Variants in LRP1B observed in about 807,000 individuals in gnomAD.
LRP1B encodes low-density lipoprotein receptor-related protein 1B.
In LRP1B, 217 loss-of-function variants were observed where a neutral mutation model predicts 556.6. The observed-to-expected ratio is 0.39, with a 90% CI of 0.35 to 0.44. The LOEUF (loss-of-function observed/expected upper bound fraction) is 0.44. LRP1B is among the 20% of genes least tolerant of loss of function. The pLI, the probability that LRP1B is intolerant of heterozygous loss-of-function variation, is 1.00. For missense variants in LRP1B, 5,053 were observed against 5,620.8 expected (o/e 0.90, Z 3.23); for synonymous variants, 2,047 against 1,865.8 (o/e 1.10, Z -2.50).
At chr2:140,319,340 A>G (rs1679959889) in intron 82 of LRP1B, among the ~76,000 whole-genome samples, 1 of 152,094 alleles carries the variant, frequency 6.6e-6, no homozygotes, top group Non-Finnish European at 1.5e-5. Flanking sequence ...CATTATCCTA[A>G]TCTCTCTCCT....
rs931035884 is a variant in LRP1B, at chr2:140,457,733, T to C, written c.9626-82A>G. On this transcript the variant is annotated intron_variant, in intron 60 of 90. Transcript: ENST00000389484. ...ATTCAATACTACATGGGCTGACAGA[T>C]ACAACTGCTACATAACTTCGTGTGA... is the stretch of plus-strand genomic sequence containing the variant. The C allele has an allele frequency of 2.4e-5, 25 of 1,060,520 alleles. No individual in the cohort carries two copies. The African/African-American group carries it at 3.6e-4, about 15-fold the overall frequency. 65.7% of individuals were successfully genotyped at this position (1,060,520 alleles called of 1,614,324 possible).
rs35692597 is a variant in LRP1B, at chr2:140,491,192, A to C, written c.9120+1416T>G. Among the ~76,000 whole-genome samples the C allele has an allele frequency of 1.9e-3, 292 of 152,298 alleles. 1 individual carries two copies. The highest frequency in any genetic ancestry group is 3.7e-3 in the Non-Finnish European group (253 of 68,020). On this transcript the variant is annotated intron_variant, in intron 57 of 90. Transcript: ENST00000389484. ...AGGTAGGAAAATGAAGCAAGAAGCT[A>C]TCACTGAAGCTCTATTATAGCTCTG... is the stretch of plus-strand genomic sequence containing the variant.
chr2:140,871,789 C>G (rs1693136973), intron 25 of LRP1B, among the ~76,000 whole-genome samples: 1 of 151,934 alleles, frequency 6.6e-6, no homozygotes, highest in Non-Finnish European at 1.5e-5. Flanking sequence ...GGTCTGCCTT[C>G]TTTTTTTTCC....
chr2:141,134,193 C>T lies in LRP1B; in HGVS notation c.1013+54228G>A, dbSNP rs532885410. Among the ~76,000 whole-genome samples, 12 of 151,852 alleles carry T rather than the reference C, an allele frequency of 7.9e-5. No homozygotes were observed. In the South Asian group the frequency reaches 1.5e-3, roughly 18 times the overall value. ...ATCCTCTGCTTGGCTCCTCATCTACCATGACCTCTGTATCGTATCTATTTT... is the reference window on the plus strand; with the variant it reads ...ATCCTCTGCTTGGCTCCTCATCTACTATGACCTCTGTATCGTATCTATTTT... On this transcript the variant is annotated intron_variant, in intron 7 of 90. Coordinates refer to ENST00000389484, the MANE Select transcript of LRP1B (RefSeq NM_018557.3).
intron 4 of LRP1B, among the ~76,000 whole-genome samples, chr2:141,252,111 A>C (rs897863282): frequency 1.3e-5 from 2 of 151,904 alleles, no homozygotes; most frequent in African/African-American, 2.4e-5. Context: ...CCACACACTT[A>C]AGCTTCAGTC....
At chr2:141,595,378 G>A (rs971658092) in intron 2 of LRP1B, among the ~76,000 whole-genome samples, 1 of 151,974 alleles carries the variant, frequency 6.6e-6, no homozygotes, top group Non-Finnish European at 1.5e-5. Context: ...CTGGTTTCTA[G>A]GCTTGTTGTA....
intron 11 of LRP1B, among the ~76,000 whole-genome samples, chr2:141,023,811 G>C (rs1698137838): frequency 6.6e-6 from 1 of 151,942 alleles, no homozygotes; most frequent in Non-Finnish European, 1.5e-5. Context: ...CCCAAAAATG[G>C]CCATTATAAA....
chr2:140,996,758 AAAAGACAAAAAGATAAAAGAC>A (rs1475826690), intron 15 of LRP1B, among the ~76,000 whole-genome samples: 6 of 152,068 alleles, frequency 3.9e-5, no homozygotes, highest in Non-Finnish European at 8.8e-5. Flanking sequence ...ATAAAGTTGC[AAAAGACAAAAAGATAAAAGAC>A]AAAGACAAAA....
intron 3 of LRP1B, among the ~76,000 whole-genome samples, chr2:141,360,771 T>A (rs1305261742): frequency 2.6e-5 from 4 of 152,192 alleles, no homozygotes; most frequent in African/African-American, 9.7e-5. Flanking sequence ...CATTTAAATA[T>A]CACTTTCATT....
rs183643430 is a variant in LRP1B, at chr2:140,405,523, G to A, written c.10415-19514C>T. Among the ~76,000 whole-genome samples the A allele has an allele frequency of 6.6e-5, 10 of 152,146 alleles. No individual in the cohort carries two copies. In the East Asian group the frequency reaches 1.7e-3, roughly 26 times the overall value. ...ATAAGCTCAATTAAAAATGAAAGTG[G>A]AAACATTACAACCAACACGAATAAA... is the stretch of plus-strand genomic sequence containing the variant. On this transcript the variant is annotated intron_variant, in intron 66 of 90. Transcript: ENST00000389484.
At chr2:140,248,770 C>A (rs927267996) in intron 86 of LRP1B, among the ~76,000 whole-genome samples, 1 of 150,922 alleles carries the variant, frequency 6.6e-6, no homozygotes, top group South Asian at 2.1e-4. Flanking sequence ...ACGGGTAGTT[C>A]AAAATAATAT....
At chr2:140,883,299 T>G (rs376659595) in intron 25 of LRP1B, among the ~76,000 whole-genome samples, 1 of 152,132 alleles carries the variant, frequency 6.6e-6, no homozygotes, top group Non-Finnish European at 1.5e-5. Flanking sequence ...CTTTCAAACC[T>G]CCTAACAGTC....
chr2:141,467,606 T>A (rs1270354240), intron 3 of LRP1B, among the ~76,000 whole-genome samples: 1 of 152,096 alleles, frequency 6.6e-6, no homozygotes, highest in Non-Finnish European at 1.5e-5. Flanking sequence ...TCTGGCCCTA[T>A]TATCCAACAA....
chr2:142,046,827 T>C (rs867966082), intron 1 of LRP1B, among the ~76,000 whole-genome samples: 28 of 152,052 alleles, frequency 1.8e-4, no homozygotes, highest in African/African-American at 6.8e-4. Flanking sequence ...TTTTGTCTTT[T>C]AGTTTTTTTC....
At chr2:142,080,634 T>C (rs920834284) in intron 1 of LRP1B, among the ~76,000 whole-genome samples, 37 of 152,198 alleles carry the variant, frequency 2.4e-4, no homozygotes, top group African/African-American at 8.9e-4. Flanking sequence ...GCTTCAAGTG[T>C]TTCCTCTGCA....
chr2:142,096,538 C>T (rs927174914), intron 1 of LRP1B, among the ~76,000 whole-genome samples: 1 of 151,034 alleles, frequency 6.6e-6, no homozygotes, highest in Non-Finnish European at 1.5e-5. Context: ...CTAAATGATC[C>T]ATAGGCCTCC....
intron 21 of LRP1B, among the ~76,000 whole-genome samples, chr2:140,920,266 A>T (rs1035113479): frequency 6.6e-6 from 1 of 152,044 alleles, no homozygotes; most frequent in Non-Finnish European, 1.5e-5. Flanking sequence ...TGAGATTAGA[A>T]GTTCTTAAGT....
chr2:141,966,070 TA>T (rs1415260711), intron 1 of LRP1B, among the ~76,000 whole-genome samples: 1 of 151,846 alleles, frequency 6.6e-6, no homozygotes, highest in East Asian at 1.9e-4. Flanking sequence ...TTTTTCAAAT[TA>T]GCATGCTCAG....
chr2:141,996,867 T>G lies in LRP1B; in HGVS notation c.82+133781A>C, dbSNP rs1559011466. Among the ~76,000 whole-genome samples the G allele has an allele frequency of 2.6e-5, 4 of 152,284 alleles. No homozygotes were observed. In the East Asian group the frequency reaches 7.7e-4, roughly 29 times the overall value. ...CAGAGAGAGAAAAGTAAATCACAAG[T>G]GAATCCAACCCTTCAGCTCTTTGCT... On this transcript the variant is annotated intron_variant, in intron 1 of 90. Coordinates refer to ENST00000389484, the MANE Select transcript of LRP1B (RefSeq NM_018557.3).
Sources: gnomAD v4.1 joint callset for allele counts (sites outside exome capture counted in the v4.1 genomes callset) on GRCh38, gnomAD v4.1.1 for gene constraint, MANE v1.5 for transcripts, NCBI Gene and HGNC (gene_info 2026-07-23, HGNC 2026-07-21) for gene names.